The following CSE1L variants were observed in gnomAD, a reference collection of about 807,000 sequenced individuals.
The protein encoded by CSE1L is chromosome segregation 1 like.
CSE1L carries 24 observed loss-of-function variants against 120.4 expected under a neutral mutation model. The observed-to-expected ratio is 0.20, with a 90% CI of 0.14 to 0.28. The LOEUF (loss-of-function observed/expected upper bound fraction) is 0.28, where lower values mean the gene tolerates loss of function less well. CSE1L is among the 10% of genes least tolerant of loss of function. The probability of loss-of-function intolerance (pLI) is 1.00; values close to 1 mark genes in which losing one functional copy is unlikely to be tolerated. For synonymous variants in CSE1L, 402 were observed against 398.3 expected, an observed-to-expected ratio of 1.01 and a Z score of -0.11; for missense variants, 830 against 1,145.2, an observed-to-expected ratio of 0.72 and a Z score of 3.97.
chr20:49,067,031 C>CAAAAAAAAAAAAAAAAAAAAAAAAAAA (rs60161542), intron 5 of CSE1L, among the ~76,000 whole-genome samples, 159 bp from the exon 6 acceptor site: 1 of 100,818 alleles, frequency 9.9e-6, no homozygotes, highest in Non-Finnish European at 1.9e-5. Context: ...GACTCCGTCT[C>CAAAAAAAAAAAAAAAAAAAAAAAAAAA]AAAAAAAAAA....
At chr20:49,083,317 C>T (rs2092028880) in intron 14 of CSE1L, among the ~76,000 whole-genome samples, 1 of 152,332 alleles carries the variant, frequency 6.6e-6, no homozygotes. Context: ...CCACTGCGCC[C>T]GGCCTAACAT....
In CSE1L at chr20:49,075,441, A is replaced by G; in HGVS notation, c.1256A>G (p.Asn419Ser). The part of the protein sequence containing the change: ...VNSMLQEYAK[N>S]PSVNWKHKDA... ...TCCATGCTGCAGGAATACGCAAAAA[A>G]TCCATCTGTCAACTGGAAACACAAA... The change falls in exon 12 of 25, where the codon AAT becomes AGT. Residue 419 changes from asparagine (N) to serine (S), a missense_variant. Physicochemically the swap from Asn to Ser is conservative, Grantham distance 46. Coordinates refer to ENST00000262982, the MANE Select transcript of CSE1L (RefSeq NM_001316.4). The G allele has an allele frequency of 2.5e-6, 4 of 1,614,136 alleles. No individual in the cohort carries two copies. Among genetic ancestry groups the G allele is most frequent in the Non-Finnish European group, 3.4e-6 (4 of 1,180,024 alleles).
intron 5 of CSE1L, 61 bp downstream of exon 5, chr20:49,066,571 A>G (rs1045486848): frequency 6.2e-6 from 9 of 1,459,548 alleles, no homozygotes; most frequent in Non-Finnish European, 8.4e-6. Flanking sequence ...GCTTGTGTAA[A>G]CAGTTGTGTT....
chr20:49,060,345 G>A (rs1194828907), intron 2 of CSE1L, among the ~76,000 whole-genome samples: 2 of 152,046 alleles, frequency 1.3e-5, no homozygotes, highest in East Asian at 3.9e-4. Context: ...AGCTGGGCGT[G>A]GTGGTGCACG....
At chr20:49,091,213 A>G (rs1190885202) in intron 21 of CSE1L, among the ~76,000 whole-genome samples, 191 bp downstream of exon 21, 1 of 152,174 alleles carries the variant, frequency 6.6e-6, no homozygotes, top group Non-Finnish European at 1.5e-5. Context: ...GCTTGAGCTC[A>G]GGAGTTCAAG....
chr20:49,072,609 G>A lies in CSE1L; in HGVS notation c.978G>A (p.Glu326=), dbSNP rs776049670. Reference sequence around the variant, plus strand: ...TTCAATTTCTGGCTTCAGTTTGTGAGAGACCTCATTATAAGAATCTATTTG... The same window carrying A: ...TTCAATTTCTGGCTTCAGTTTGTGAAAGACCTCATTATAAGAATCTATTTG... ...NAIQFLASVC[E]RPHYKNLFED... is the part of the protein sequence containing the mutation. Residue 326 remains glutamate, a synonymous_variant, in exon 10 of 25, where the codon GAG becomes GAA. Coordinates refer to ENST00000262982, the MANE Select transcript of CSE1L (RefSeq NM_001316.4). The A allele has an allele frequency of 1.9e-6, 3 of 1,613,568 alleles. No individual in the cohort carries two copies. Among genetic ancestry groups the A allele is most frequent in the Admixed American group, 1.7e-5 (1 of 59,898 alleles).
chr20:49,083,387 G>A (rs1163688355), intron 14 of CSE1L, among the ~76,000 whole-genome samples: 1 of 152,120 alleles, frequency 6.6e-6, no homozygotes, highest in African/African-American at 2.4e-5. Flanking sequence ...CTCTCAAGTT[G>A]CTGGGACTAC....
At chr20:49,052,880 C>T (rs959714078) in intron 1 of CSE1L, among the ~76,000 whole-genome samples, 1 of 152,128 alleles carries the variant, frequency 6.6e-6, no homozygotes, top group Non-Finnish European at 1.5e-5. Flanking sequence ...AGCCACTGCA[C>T]CTGGCCAGGA....
intron 1 of CSE1L, among the ~76,000 whole-genome samples, chr20:49,055,874 T>C (rs1332911207): frequency 3.3e-5 from 5 of 152,198 alleles, no homozygotes; most frequent in African/African-American, 9.7e-5. Flanking sequence ...TTTGTTTTCT[T>C]CTATATGTGA....
chr20:49,064,161 A>C (rs1341362276), intron 3 of CSE1L, among the ~76,000 whole-genome samples: 2 of 152,234 alleles, frequency 1.3e-5, no homozygotes, highest in African/African-American at 4.8e-5. Context: ...CACAACAAAG[A>C]ATTATCTGAG....
At chr20:49,095,810 A>G (rs1055096438) in intron 24 of CSE1L, among the ~76,000 whole-genome samples, 88 of 152,198 alleles carry the variant, frequency 5.8e-4, no homozygotes, top group African/African-American at 2.0e-3. Context: ...GCAGTGAGCT[A>G]TTACAGTGCC....
At chr20:49,089,433 T>C (rs2092084396) in intron 18 of CSE1L, 36 bp downstream of exon 18, 1 of 1,607,492 alleles carries the variant, frequency 6.2e-7, no homozygotes, top group African/African-American at 1.3e-5. Context: ...TGTAATGGAA[T>C]AAAATTAACA....
At position 49,090,946 on chromosome 20, in the gene CSE1L, T is replaced by C. The variant is rs199707942; in HGVS notation, c.2289T>C (p.Val763=). Residue 763 remains valine, a synonymous_variant, in exon 21 of 25, where the codon GTT becomes GTC. Transcript: ENST00000262982. ...SIIEHMPPES[V]DQYRKQIFIL... is the part of the protein sequence containing the mutation. ...TTTTTTAATTCTTTAGTGAATCAGT[T>C]GACCAATATAGGAAACAAATCTTCA... is the stretch of plus-strand genomic sequence containing the variant. 5.3e-5 allele frequency: 86 copies of C among 1,608,228 alleles called. No individual in the cohort carries two copies. In the East Asian group the frequency reaches 1.8e-3, roughly 33 times the overall value.
chr20:49,047,767 T>C (rs1336088917), intron 1 of CSE1L, among the ~76,000 whole-genome samples: 1 of 151,934 alleles, frequency 6.6e-6, no homozygotes, highest in Non-Finnish European at 1.5e-5. Flanking sequence ...GTATTTTTAT[T>C]AGAGACGGGG....
intron 13 of CSE1L, among the ~76,000 whole-genome samples, chr20:49,077,315 A>G (rs2091977100): frequency 6.6e-6 from 1 of 151,930 alleles, no homozygotes; most frequent in Non-Finnish European, 1.5e-5. Flanking sequence ...ACGTACCACC[A>G]TGCCCGGCTA....
At chr20:49,092,790 C>T (rs1411726019) in intron 22 of CSE1L, among the ~76,000 whole-genome samples, 1 of 151,800 alleles carries the variant, frequency 6.6e-6, no homozygotes, top group Non-Finnish European at 1.5e-5. Context: ...ACGTTGTGCA[C>T]ATGTACCCTA....
intron 2 of CSE1L, among the ~76,000 whole-genome samples, chr20:49,062,236 T>C (rs146061037): frequency 4.4e-4 from 67 of 152,282 alleles, no homozygotes; most frequent in African/African-American, 1.5e-3. Context: ...TTTAACAATC[T>C]TCATCCTTCA....
At chr20:49,085,888 G>T (rs987019413) in intron 16 of CSE1L, among the ~76,000 whole-genome samples, 3 of 151,964 alleles carry the variant, frequency 2.0e-5, no homozygotes, top group African/African-American at 7.3e-5. Flanking sequence ...ATTTGATATG[G>T]AACTTCTCAT....
At chr20:49,067,026 C>T (rs577484462) in intron 5 of CSE1L, among the ~76,000 whole-genome samples, 164 bp from the exon 6 acceptor site, 59 of 59,326 alleles carry the variant, frequency 9.9e-4, no homozygotes, top group South Asian at 4.4e-3. Flanking sequence ...AGCGAGACTC[C>T]GTCTCAAAAA....
Sources: allele counts gnomAD v4.1 joint callset (sites outside exome capture counted in the v4.1 genomes callset), GRCh38; gene constraint gnomAD v4.1.1; transcripts MANE v1.5; gene names NCBI Gene and HGNC (gene_info 2026-07-23, HGNC 2026-07-21).